Variants in MAPK10 observed in about 807,000 individuals in gnomAD.
MAPK10 encodes mitogen-activated protein kinase 10.
Under a neutral mutation model 59.3 loss-of-function variants are expected in MAPK10, and 25 were observed. The ratio of observed to expected loss-of-function variants is 0.42; its 90% confidence interval spans 0.31 to 0.59. MAPK10 has a LOEUF of 0.59. MAPK10 is among the 20% of genes least tolerant of loss of function. MAPK10 has a pLI of 0.15. For missense variants in MAPK10, 351 were observed against 568.9 expected (o/e 0.62, Z 3.90); for synonymous variants, 190 against 200.5 (o/e 0.95, Z 0.44).
At chr4:86,513,476 T>C (rs1756433947) in intron 1 of MAPK10, among the ~76,000 whole-genome samples, 1 of 152,214 alleles carries the variant, frequency 6.6e-6, no homozygotes, top group Non-Finnish European at 1.5e-5. Context: ...TATTAACTAT[T>C]GGCTAATAAG....
rs72868881 is a variant in MAPK10, at chr4:86,529,279, A to G, written c.-263+64631T>C. On this transcript the variant is annotated intron_variant, in intron 1 of 4. Transcript: ENST00000502302. The stretch of plus-strand genomic sequence containing the variant: ...GGCATTCTCCACAGGTGAGCCCCTC[A>G]TTGCCCCCCACACTGCATCAATCCT... 1.3e-3 allele frequency among the ~76,000 whole-genome samples: 197 copies of G among 152,178 alleles called. 1 individual carries two copies. The highest frequency in any genetic ancestry group is 4.6e-3 in the African/African-American group (190 of 41,488).
At chr4:86,038,748 G>A (rs1282189141) in intron 11 of MAPK10, among the ~76,000 whole-genome samples, 1 of 152,018 alleles carries the variant, frequency 6.6e-6, no homozygotes, top group African/African-American at 2.4e-5. Context: ...ACCAACAGCA[G>A]TTCATTACCC....
chr4:86,229,787 G>A (rs562072084), intron 2 of MAPK10, among the ~76,000 whole-genome samples: 2 of 152,212 alleles, frequency 1.3e-5, no homozygotes, highest in South Asian at 2.1e-4. Flanking sequence ...AAGGCATGGT[G>A]GCTCATGCCT....
intron 4 of MAPK10, among the ~76,000 whole-genome samples, chr4:86,115,126 C>T (rs2058106348): frequency 6.6e-6 from 1 of 152,236 alleles, no homozygotes; most frequent in Non-Finnish European, 1.5e-5. Flanking sequence ...CTACTGGTTG[C>T]AACCCAAGCA....
intron 4 of MAPK10, among the ~76,000 whole-genome samples, chr4:86,141,533 A>T (rs1004622001): frequency 2.6e-5 from 4 of 152,240 alleles, no homozygotes; most frequent in Non-Finnish European, 2.9e-5. Flanking sequence ...ATAGAATGCA[A>T]GAAAAAGAAA....
rs1315478857 is a variant in MAPK10, at chr4:86,140,213, G to A, written c.236+19085C>T. Among the ~76,000 whole-genome samples, 267 of 140,754 alleles carry A rather than the reference G, an allele frequency of 1.9e-3. 6 individuals carry two copies. Among genetic ancestry groups the A allele is most frequent in the African/African-American group, 7.5e-3 (253 of 33,944 alleles). 92.3% of individuals were successfully genotyped at this position (140,754 alleles called of 152,430 possible). The stretch of plus-strand genomic sequence containing the variant: ...TGCCCAAAGGACTATAAATCATGCT[G>A]CTATAAAGACACATGCACACGTATG... On this transcript the variant is annotated intron_variant, in intron 4 of 13. Coordinates refer to ENST00000641462, the MANE Select transcript of MAPK10 (RefSeq NM_138982.4).
At chr4:86,235,313 G>A (rs979073387) in intron 2 of MAPK10, among the ~76,000 whole-genome samples, 2 of 152,160 alleles carry the variant, frequency 1.3e-5, no homozygotes, top group Non-Finnish European at 2.9e-5. Flanking sequence ...ACCAAAACGT[G>A]TGCTTTGTCT....
At chr4:86,546,719 A>C (rs373768816) in intron 1 of MAPK10, among the ~76,000 whole-genome samples, 25 of 152,190 alleles carry the variant, frequency 1.6e-4, no homozygotes, top group African/African-American at 5.8e-4. Context: ...GGTTCCATGC[A>C]GTGCTTGGAG....
chr4:86,583,443 C>T (rs1167027034), intron 1 of MAPK10, among the ~76,000 whole-genome samples: 1 of 152,026 alleles, frequency 6.6e-6, no homozygotes, highest in Non-Finnish European at 1.5e-5. Context: ...TTCCGGCCAT[C>T]AATATGTAGG....
At position 86,588,024 on chromosome 4, in the gene MAPK10, C is replaced by T. The variant is rs564133369; in HGVS notation, c.-263+5886G>A. On this transcript the variant is annotated intron_variant, in intron 1 of 4. Transcript: ENST00000502302. ...GCCTGAGCAAGAGAGCAAGACCCAT[C>T]TTTTAAAAGGAGAAAAAAAGTATGG... 5.2e-3 allele frequency among the ~76,000 whole-genome samples: 786 copies of T among 152,228 alleles called. 7 individuals carry two copies. The highest frequency in any genetic ancestry group is 9.5e-3 in the Non-Finnish European group (649 of 68,016).
At chr4:86,576,388 G>A (rs1420501393) in intron 1 of MAPK10, among the ~76,000 whole-genome samples, 1 of 152,084 alleles carries the variant, frequency 6.6e-6, no homozygotes, top group Non-Finnish European at 1.5e-5. Context: ...CCGGGGTGGG[G>A]GTGTGGCAGG....
chr4:86,361,392 T>C (rs1254124205), upstream of MAPK10, among the ~76,000 whole-genome samples: 1 of 152,186 alleles, frequency 6.6e-6, no homozygotes, highest in African/African-American at 2.4e-5. Flanking sequence ...TGGGCCTACC[T>C]GCAAGATAAC....
At chr4:86,581,970 G>A (rs1311013632) in intron 1 of MAPK10, among the ~76,000 whole-genome samples, 1 of 136,910 alleles carries the variant, frequency 7.3e-6, no homozygotes, top group African/African-American at 2.8e-5. Context: ...AGAGGCATGT[G>A]AATCAAGTGG....
At chr4:86,162,409 G>A (rs2070068979) in intron 3 of MAPK10, among the ~76,000 whole-genome samples, 1 of 151,876 alleles carries the variant, frequency 6.6e-6, no homozygotes, top group Non-Finnish European at 1.5e-5. Context: ...ATTATCCTTG[G>A]CTACAAGGAT....
intron 1 of MAPK10, among the ~76,000 whole-genome samples, chr4:86,374,721 G>T (rs1490616918): frequency 2.6e-5 from 4 of 152,158 alleles, no homozygotes; most frequent in African/African-American, 9.7e-5. Flanking sequence ...TTGAGCACAG[G>T]CTCTTTAGGC....
At chr4:86,498,710 T>C (rs529475595) in intron 1 of MAPK10, among the ~76,000 whole-genome samples, 1 of 152,196 alleles carries the variant, frequency 6.6e-6, no homozygotes, top group African/African-American at 2.4e-5. Context: ...ACCACAAATA[T>C]GTAGGGTACA....
At chr4:86,129,425 C>T (rs944906262) in intron 4 of MAPK10, among the ~76,000 whole-genome samples, 3 of 152,134 alleles carry the variant, frequency 2.0e-5, no homozygotes, top group East Asian at 1.9e-4. Flanking sequence ...ACAAATTCTG[C>T]AATTGTTAGC....
Position 86,029,681 on chromosome 4 carries a change from C to G in MAPK10, c.1175-407G>C, listed in dbSNP as rs115931360. Among the ~76,000 whole-genome samples, 1,071 of 152,210 alleles carry G rather than the reference C, an allele frequency of 7.0e-3. 16 individuals carry two copies. The highest frequency in any genetic ancestry group is 0.025 in the African/African-American group (1,026 of 41,528). ...TCTTTGGGGGAAGTACTAATACATT[C>G]TAGCTCAATCTAGCAACAATTTTTA... On this transcript the variant is annotated intron_variant, in intron 12 of 13. Coordinates refer to ENST00000641462, the MANE Select transcript of MAPK10 (RefSeq NM_138982.4).
chr4:86,492,099 A>T (rs776370711), intron 1 of MAPK10, among the ~76,000 whole-genome samples: 1 of 152,242 alleles, frequency 6.6e-6, no homozygotes, highest in African/African-American at 2.4e-5. Flanking sequence ...ACATTCAGAT[A>T]TGAAATGACT....
Sources: allele counts gnomAD v4.1 joint callset (sites outside exome capture counted in the v4.1 genomes callset), GRCh38; gene constraint gnomAD v4.1.1; transcripts MANE v1.5; gene names NCBI Gene and HGNC (gene_info 2026-07-23, HGNC 2026-07-21).